KCP: variants seen among roughly 807,000 people sequenced by gnomAD.
The protein encoded by KCP is kielin/chordin-like protein.
Under a neutral mutation model 212.7 loss-of-function variants are expected in KCP, and 194 were observed. The observed-to-expected ratio is 0.91, with a 90% CI of 0.81 to 1.03. The LOEUF (loss-of-function observed/expected upper bound fraction) is 1.03, where lower values mean the gene tolerates loss of function less well. KCP is among the 50% of genes least tolerant of loss of function. The probability of loss-of-function intolerance (pLI) is 0.00; values close to 1 mark genes in which losing one functional copy is unlikely to be tolerated. For synonymous variants in KCP, 833 were observed against 865.3 expected (o/e 0.96, Z 0.65); for missense variants, 2,080 against 2,162.5 (o/e 0.96, Z 0.76).
Position 128,893,796 on chromosome 7 carries a change from C to T in KCP, c.1099+10G>A, listed in dbSNP as rs757242893. On this transcript the variant is annotated intron_variant, in intron 11 of 39. Transcript: ENST00000610776. ...CTGCCCCTCCCGCAGAGACCCCGGC[C>T]CCCACTCACCATCGCAGACAGGGCA... 3.2e-6 allele frequency: 5 copies of T among 1,549,290 alleles called. No homozygotes were observed. In the African/African-American group the frequency reaches 6.8e-5, roughly 21 times the overall value.
chr7:128,888,327 A>ACAC (rs1793845381), intron 22 of KCP, among the ~76,000 whole-genome samples: 3 of 106,682 alleles, frequency 2.8e-5, no homozygotes, highest in South Asian at 3.1e-4. Flanking sequence ...CACACAGAGC[A>ACAC]ACACACACAC....
rs980765416 is a variant in KCP, at chr7:128,885,401, C to T, written c.2867-131G>A. 1.7e-5 allele frequency: 15 copies of T among 889,658 alleles called. No individual in the cohort carries two copies. In the African/African-American group the frequency reaches 2.2e-4, roughly 13 times the overall value. 55.1% of individuals were successfully genotyped at this position (889,658 alleles called of 1,614,324 possible). A position where few individuals can be genotyped will look rare whatever the true frequency, so the allele number is the denominator to read the frequency against. Reference sequence around the variant, plus strand: ...TTTGCAGGGATATGGCGGGAAGGTGCGATGGGGCAGAACTCCTGTCTGTTG... The same window carrying T: ...TTTGCAGGGATATGGCGGGAAGGTGTGATGGGGCAGAACTCCTGTCTGTTG... On this transcript the variant is annotated intron_variant, in intron 26 of 39. Coordinates refer to ENST00000610776, the MANE Select transcript of KCP (RefSeq NM_001366122.1).
intron 26 of KCP, 126 bp downstream of exon 26, chr7:128,886,338 A>G (rs1170127508): frequency 2.7e-6 from 2 of 734,368 alleles, no homozygotes; most frequent in East Asian, 5.6e-5. Context: ...GCAAGGGTGT[A>G]TGCAAGGGCC....
In KCP at chr7:128,892,574, G is replaced by A; in HGVS notation, c.1561C>T (p.Pro521Ser). ...GTVTCSLVDC[P>S]PTTCARPQSG... ...TGGGGCCTGGCACAGGTCGTGGGAG[G>A]GCAGTCAACCAAGGAGCATGTCACA... Residue 521 changes from proline to serine, a missense_variant, in exon 16 of 40, where the codon CCT becomes TCT. Pro to Ser is a moderately conservative substitution (Grantham distance 74). Coordinates refer to ENST00000610776, the MANE Select transcript of KCP (RefSeq NM_001366122.1). 1.9e-6 allele frequency: 3 copies of A among 1,550,560 alleles called. No individual in the cohort carries two copies. Among genetic ancestry groups the A allele is most frequent in the South Asian group, 2.4e-5 (2 of 83,916 alleles).
intron 5 of KCP, among the ~76,000 whole-genome samples, chr7:128,905,071 T>G (rs1388636085): frequency 1.3e-5 from 2 of 151,990 alleles, no homozygotes; most frequent in African/African-American, 4.8e-5. Context: ...CCCAAGATTT[T>G]AGTCCTCATC....
rs1347577310 is a variant in KCP, at chr7:128,877,557, A to T, written c.4545T>A (p.Asp1515Glu). The change falls in exon 39 of 40, where the codon GAT (aspartate) becomes GAA (glutamate). Residue 1515 changes from aspartate (D) to glutamate (E), a missense_variant. By Grantham distance (45) the Asp-to-Glu change is conservative. Transcript: ENST00000610776. ...AGTGACTGGCGTAGGCTTCCAGGGC[A>T]TCACAGAGGCAGGCATCAGCGGAGG... ...PGSSADACLCDALEAYASHCR... is the reference protein window; with the variant it reads ...PGSSADACLCEALEAYASHCR... 7.1e-6 allele frequency: 11 copies of T among 1,551,554 alleles called. No homozygotes were observed. The highest frequency in any genetic ancestry group is 7.8e-6 in the Non-Finnish European group (9 of 1,146,978).
At position 128,880,504 on chromosome 7, in the gene KCP, T is replaced by A. The variant is rs1250108118; in HGVS notation, c.3641A>T (p.Gln1214Leu). The change falls in exon 34 of 40, where the codon CAG (glutamine) becomes CTG (leucine). Residue 1214 changes from glutamine (Q) to leucine (L), a missense_variant. Gln to Leu is a moderately radical substitution (Grantham distance 113). Transcript: ENST00000610776. ...CTCTCCAGAGGCCACCTCACGGCCCTGGTGCACGCAGGACTGGGTGGGAGC... is the reference window on the plus strand; with the variant it reads ...CTCTCCAGAGGCCACCTCACGGCCCAGGTGCACGCAGGACTGGGTGGGAGC... ...CQAPTQSCVH[Q>L]GREVASGERW... The A allele has an allele frequency of 6.6e-7, 1 of 1,521,256 alleles. No individual in the cohort carries two copies. Among genetic ancestry groups the A allele is most frequent in the Non-Finnish European group, 8.9e-7 (1 of 1,127,838 alleles). The allele number at this position is 1,521,256 out of a possible 1,614,324, so 94.2% of individuals were successfully genotyped here.
Position 128,879,583 on chromosome 7 carries a change from G to C in KCP, c.4085C>G (p.Pro1362Arg), listed in dbSNP as rs1029246164. 1 of 1,550,488 alleles carries C rather than the reference G, an allele frequency of 6.4e-7. No homozygotes were observed. The highest frequency in any genetic ancestry group is 1.2e-5 in the South Asian group (1 of 84,050). ...HPVALPFLQE[P>R]LLYVELRGHT... ...TCCTCGCAGCTCCACATACAGCAGC[G>C]GCTCCTGCAGGAAGGGCAAGGCCAC... The change falls in exon 37 of 40, where the codon CCG becomes CGG. Residue 1362 changes from proline to arginine, a missense_variant. Pro to Arg is a moderately radical substitution (Grantham distance 103). Coordinates refer to ENST00000610776, the MANE Select transcript of KCP (RefSeq NM_001366122.1).
intron 20 of KCP, 44 bp from the exon 21 acceptor site, chr7:128,890,557 G>A: frequency 6.6e-7 from 1 of 1,506,850 alleles, no homozygotes. Context: ...GGACTAGAGG[G>A]CTGTGGGGAC....
chr7:128,892,781 G>A lies in KCP; in HGVS notation c.1434C>T (p.Pro478=), dbSNP rs368537000. 2.4e-5 allele frequency: 38 copies of A among 1,551,576 alleles called. No homozygotes were observed. The highest frequency in any genetic ancestry group is 3.3e-5 in the Non-Finnish European group (38 of 1,146,940). ...TGTGGTAGGTGCAGCTGTCACAGCTGGGGCAGCAGGCACCTGGGTGGGGCA... is the reference window on the plus strand; with the variant it reads ...TGTGGTAGGTGCAGCTGTCACAGCTAGGGCAGCAGGCACCTGGGTGGGGCA... ...HPTQPPGACC[P]SCDSCTYHSQ... is the part of the protein sequence containing the mutation. Residue 478 remains proline, a synonymous_variant, in exon 15 of 40, where the codon CCC becomes CCT. Transcript: ENST00000610776.
chr7:128,904,043 C>G lies in KCP; in HGVS notation c.654+13G>C, dbSNP rs1451116203. The G allele has an allele frequency of 6.5e-7, 1 of 1,550,182 alleles. No homozygotes were observed. The highest frequency in any genetic ancestry group is 1.2e-5 in the South Asian group (1 of 84,020). On this transcript the variant is annotated intron_variant, in intron 6 of 39. Transcript: ENST00000610776. Reference sequence around the variant, plus strand: ...AGGTGCAGGGCCTGGGCAGAGGGGACAGGTGGACTCACCAGGCAGGTGCAC... The same window carrying G: ...AGGTGCAGGGCCTGGGCAGAGGGGAGAGGTGGACTCACCAGGCAGGTGCAC...
In KCP at chr7:128,893,325, A is replaced by C; in HGVS notation, c.1186-6T>G. The C allele has an allele frequency of 6.4e-7, 1 of 1,551,504 alleles. No individual in the cohort carries two copies. The highest frequency in any genetic ancestry group is 8.7e-7 in the Non-Finnish European group (1 of 1,146,896). On this transcript the variant is annotated splice_region_variant and splice_polypyrimidine_tract_variant and intron_variant, in intron 12 of 39. Transcript: ENST00000610776. ...TCACAGGAGACCTCGCCAGCCTAGG[A>C]GGGAAGCAGGTGAGACACCCTGAAG...
chr7:128,880,349 C>T (rs1793252136), intron 34 of KCP, 37 bp downstream of exon 34: 3 of 1,487,740 alleles, frequency 2.0e-6, no homozygotes, highest in Non-Finnish European at 2.7e-6. Context: ...GTGCCCCCAC[C>T]CTGACCCTCC....
intron 24 of KCP, 65 bp downstream of exon 24, chr7:128,886,811 G>C: frequency 6.9e-7 from 1 of 1,451,668 alleles, no homozygotes; most frequent in South Asian, 1.2e-5. Flanking sequence ...AGGCCTGGCA[G>C]GAAGGGAAGG....
At chr7:128,904,415 C>G in intron 5 of KCP, 1 of 1,430,026 alleles carries the variant, frequency 7.0e-7, no homozygotes, top group African/African-American at 1.4e-5. Context: ...CCTCCCTTCC[C>G]CCACCATCCT....
Position 128,897,063 on chromosome 7 carries a change from T to G in KCP, c.832-2770A>C, listed in dbSNP as rs117185637. Reference sequence around the variant, plus strand: ...CACTGCAAGCTGGGTGAATGAATAGTAATAATCACTGTTTATTTCCTCTGC... The same window carrying G: ...CACTGCAAGCTGGGTGAATGAATAGGAATAATCACTGTTTATTTCCTCTGC... On this transcript the variant is annotated intron_variant, in intron 8 of 39. Coordinates refer to ENST00000610776, the MANE Select transcript of KCP (RefSeq NM_001366122.1). Among the ~76,000 whole-genome samples, 890 of 152,262 alleles carry G rather than the reference T, an allele frequency of 5.8e-3. 14 individuals carry two copies. In the South Asian group the frequency reaches 0.063, roughly 11 times the overall value.
chr7:128,887,365 C>T, intron 22 of KCP, 65 bp from the exon 23 acceptor site: 1 of 1,205,088 alleles, frequency 8.3e-7, no homozygotes, highest in Non-Finnish European at 1.2e-6. Context: ...CACACACACA[C>T]ACAGCCCCTC....
chr7:128,907,371 C>T lies in KCP; in HGVS notation c.302G>A (p.Arg101His), dbSNP rs370978511. Reference sequence around the variant, plus strand: ...CCAGCGTGCCCCCTCGGGCCAGGCACGCCCCAGCCCCCAGCACTGGGGAGA... The same window carrying T: ...CCAGCGTGCCCCCTCGGGCCAGGCATGCCCCAGCCCCCAGCACTGGGGAGA... ...PASPQCWGLGRAWPEGARWEP... is the reference protein window; with the variant it reads ...PASPQCWGLGHAWPEGARWEP... The change falls in exon 3 of 40, where the codon CGT (arginine) becomes CAT (histidine). Residue 101 changes from arginine to histidine, a missense_variant. Physicochemically the swap from Arg to His is conservative, Grantham distance 29. Transcript: ENST00000610776. 2.2e-5 allele frequency: 34 copies of T among 1,541,022 alleles called. No individual in the cohort carries two copies. The highest frequency in any genetic ancestry group is 4.8e-5 in the South Asian group (4 of 83,764).
At chr7:128,878,250 G>A (rs1463075043) in intron 38 of KCP, among the ~76,000 whole-genome samples, 5 of 151,954 alleles carry the variant, frequency 3.3e-5, no homozygotes, top group Non-Finnish European at 7.4e-5. Context: ...TAGAGATGGG[G>A]TTTCTCCATG....
Sources: gnomAD v4.1 joint callset for allele counts (sites outside exome capture counted in the v4.1 genomes callset) on GRCh38, gnomAD v4.1.1 for gene constraint, MANE v1.5 for transcripts, NCBI Gene and HGNC (gene_info 2026-07-23, HGNC 2026-07-21) for gene names.